ASPM: variants seen among roughly 807,000 people sequenced by gnomAD.
ASPM encodes the protein abnormal spindle-like microcephaly-associated protein.
A neutral mutation model predicts 366.4 loss-of-function variants in ASPM; 256 were observed. The observed-to-expected ratio is 0.70, with a 90% CI of 0.63 to 0.77. The LOEUF (loss-of-function observed/expected upper bound fraction) is 0.77, where lower values mean the gene tolerates loss of function less well. ASPM is among the 30% of genes least tolerant of loss of function. The pLI, the probability that ASPM is intolerant of heterozygous loss-of-function variation, is 0.00. For missense variants in ASPM, 4,146 were observed against 4,090.4 expected (o/e 1.01, Z -0.37); for synonymous variants, 1,414 against 1,342.9 (o/e 1.05, Z -1.16).
chr1:197,105,971 T>C (rs533699331), intron 17 of ASPM, among the ~76,000 whole-genome samples: 1 of 152,024 alleles, frequency 6.6e-6, no homozygotes, highest in Non-Finnish European at 1.5e-5. Context: ...CATTCCTTTG[T>C]ACAAACACTC....
intron 18 of ASPM, among the ~76,000 whole-genome samples, chr1:197,097,292 G>C (rs1181769835): frequency 6.6e-6 from 1 of 151,704 alleles, no homozygotes; most frequent in African/African-American, 2.4e-5. Context: ...TTGAATAACT[G>C]TCTTTGTTTC....
At chr1:197,092,988 A>T (rs1445461993) in intron 21 of ASPM, 64 bp downstream of exon 21, 2 of 1,363,538 alleles carry the variant, frequency 1.5e-6, no homozygotes, top group Admixed American at 3.4e-5. Context: ...AAGTTTCTTA[A>T]CACTATTTAA....
At position 197,086,955 on chromosome 1, in the gene ASPM, G is replaced by T. The variant is rs1167440709; in HGVS notation, c.10179C>A (p.Ser3393=). Residue 3393 remains serine (S), a synonymous_variant, in exon 27 of 28, where the codon TCC becomes TCA. Coordinates refer to ENST00000367409, the MANE Select transcript of ASPM (RefSeq NM_018136.5). ...TNRASDVRSR[S]KVVDRIYSLY... Reference sequence around the variant, plus strand: ...GACTGTAAATACGGTCAACAACTTTGGACCTACTTCGTACATCCTACAAAA... The same window carrying T: ...GACTGTAAATACGGTCAACAACTTTTGACCTACTTCGTACATCCTACAAAA... The T allele has an allele frequency of 4.4e-6, 7 of 1,609,150 alleles. No individual in the cohort carries two copies. The South Asian group carries it at 7.7e-5, about 18-fold the overall frequency.
chr1:197,135,663 GATTT>G (rs1239142364), intron 4 of ASPM, among the ~76,000 whole-genome samples: 1 of 69,586 alleles, frequency 1.4e-5, no homozygotes, highest in Non-Finnish European at 2.9e-5. Flanking sequence ...TTGGTAGAAT[GATTT>G]ATTTTCTTTT....
intron 21 of ASPM, among the ~76,000 whole-genome samples, chr1:197,092,796 G>GT (rs1656824778): frequency 6.6e-6 from 1 of 151,788 alleles, no homozygotes; most frequent in African/African-American, 2.4e-5. Flanking sequence ...CCTTTGTTAA[G>GT]ATTCATTACA....
chr1:197,089,758 T>C (rs537996967), intron 25 of ASPM, among the ~76,000 whole-genome samples, 172 bp downstream of exon 25: 2 of 152,118 alleles, frequency 1.3e-5, no homozygotes, highest in Non-Finnish European at 2.9e-5. Context: ...AATATAAAAA[T>C]TGGTACTTAA....
intron 16 of ASPM, among the ~76,000 whole-genome samples, chr1:197,118,962 G>C (rs770965931): frequency 2.0e-5 from 3 of 151,752 alleles, no homozygotes; most frequent in Non-Finnish European, 4.4e-5. Flanking sequence ...TGCTGTCTGG[G>C]ACCGTCCACC....
rs1421096456 is a variant in ASPM at position 197,117,793 on chromosome 1, A to G, written c.4061T>C (p.Ile1354Thr). Residue 1354 changes from isoleucine to threonine, a missense_variant, in exon 17 of 28, where the codon ATT becomes ACT. Transcript: ENST00000367409. Reference protein sequence around the residue: ...EKVQNKAASLIQGYWRRYSTR... With the variant: ...EKVQNKAASLTQGYWRRYSTR... ...AATTAGTCCAGGATACTATACCTGA[A>G]TAAGTGATGCTGCTTTATTTTGAAC... 4.3e-6 allele frequency: 7 copies of G among 1,611,318 alleles called. No homozygotes were observed. The highest frequency in any genetic ancestry group is 5.9e-6 in the Non-Finnish European group (7 of 1,178,778).
In ASPM at chr1:197,103,561, TC is replaced by T. The variant is rs1307784413; in HGVS notation, c.5689del (p.Glu1897AsnfsTer6). ...GWKVRKQIRR[E>X]HQAALKIQSA... is the part of the protein sequence containing the mutation. ...CTGAATCTTCAAGGCAGCTTGATGTTCCCTTCTAATCTGTTTCCGAACCTTC... is the reference window on the plus strand; with the variant it reads ...CTGAATCTTCAAGGCAGCTTGATGTTCCTTCTAATCTGTTTCCGAACCTTC... On this transcript the variant is annotated frameshift_variant, in exon 18 of 28. Coordinates refer to ENST00000367409, the MANE Select transcript of ASPM (RefSeq NM_018136.5). LOFTEE classifies it high-confidence loss of function. 6.2e-7 allele frequency: 1 copy of T among 1,613,018 alleles called. No homozygotes were observed. The highest frequency in any genetic ancestry group is 1.7e-5 in the Admixed American group (1 of 59,792).
chr1:197,125,293 AGGG>A, intron 10 of ASPM, 102 bp from the exon 11 acceptor site: 1 of 1,389,090 alleles, frequency 7.2e-7, no homozygotes, highest in Non-Finnish European at 1.0e-6. Context: ...CAACAGTTAC[AGGG>A]CTTTATGATC....
chr1:197,144,272 GAA>G (rs892960205), intron 1 of ASPM, among the ~76,000 whole-genome samples, 172 bp from the exon 2 acceptor site: 10 of 151,628 alleles, frequency 6.6e-5, no homozygotes, highest in Non-Finnish European at 1.5e-4. Context: ...TTAATTATAA[GAA>G]AAAAAGTCAC....
chr1:197,145,711 G>T (rs1463278050), intron 1 of ASPM, among the ~76,000 whole-genome samples: 1 of 152,000 alleles, frequency 6.6e-6, no homozygotes, highest in Non-Finnish European at 1.5e-5. Context: ...ATTTCACAAC[G>T]CCTTAAGTCT....
intron 17 of ASPM, among the ~76,000 whole-genome samples, chr1:197,105,407 T>C (rs112887421): frequency 1.3e-5 from 2 of 152,008 alleles, no homozygotes; most frequent in Non-Finnish European, 2.9e-5. Flanking sequence ...TCATTATATT[T>C]AAATACTGCA....
At chr1:197,086,634 T>G (rs1256973383) in intron 27 of ASPM, among the ~76,000 whole-genome samples, 169 bp downstream of exon 27, 1 of 152,266 alleles carries the variant, frequency 6.6e-6, no homozygotes, top group Non-Finnish European at 1.5e-5. Flanking sequence ...ATGTTATTTC[T>G]TTATTTACCA....
chr1:197,087,585 A>C (rs1373918003), intron 26 of ASPM, among the ~76,000 whole-genome samples: 2 of 152,154 alleles, frequency 1.3e-5, no homozygotes, highest in Non-Finnish European at 2.9e-5. Context: ...CCAGTTACCA[A>C]GTCTTGAAAA....
intron 4 of ASPM, among the ~76,000 whole-genome samples, chr1:197,136,182 G>T (rs1272486851): frequency 1.3e-5 from 2 of 152,112 alleles, no homozygotes; most frequent in African/African-American, 4.8e-5. Context: ...GACATTTCTA[G>T]ATTTTTTTTA....
intron 17 of ASPM, among the ~76,000 whole-genome samples, chr1:197,109,910 G>A (rs1194185512): frequency 6.6e-6 from 1 of 151,962 alleles, no homozygotes; most frequent in Non-Finnish European, 1.5e-5. Flanking sequence ...CTAACAAAAA[G>A]CTGATGATGA....
Position 197,124,047 on chromosome 1 carries a change from A to C in ASPM, c.3390+63T>G. The C allele has an allele frequency of 2.1e-6, 3 of 1,401,092 alleles. No homozygotes were observed. In the South Asian group the frequency reaches 3.7e-5, roughly 17 times the overall value. 86.8% of individuals were successfully genotyped at this position (1,401,092 alleles called of 1,614,324 possible). The stretch of plus-strand genomic sequence containing the variant: ...AGAAAAGACTTCAGGCATTAAGTTT[A>C]AGTGACTTTCATCAAAATTTATTAA... On this transcript the variant is annotated intron_variant, in intron 13 of 27. Coordinates refer to ENST00000367409, the MANE Select transcript of ASPM (RefSeq NM_018136.5).
chr1:197,120,270 CAT>C (rs1312265856), intron 16 of ASPM, among the ~76,000 whole-genome samples: 2 of 151,998 alleles, frequency 1.3e-5, no homozygotes, highest in East Asian at 3.9e-4. Context: ...GTGGCTCATG[CAT>C]ATAATCCCAG....
Sources: gnomAD v4.1 joint callset for allele counts (sites outside exome capture counted in the v4.1 genomes callset) on GRCh38, gnomAD v4.1.1 for gene constraint, MANE v1.5 for transcripts, NCBI Gene and HGNC (gene_info 2026-07-23, HGNC 2026-07-21) for gene names.